Variants in SSH1 observed in about 807,000 individuals in gnomAD.
SSH1 encodes slingshot protein phosphatase 1, also known as protein phosphatase Slingshot homolog 1.
Under a neutral mutation model 79.7 loss-of-function variants are expected in SSH1, and 43 were observed. The observed-to-expected ratio is 0.54, with a 90% CI of 0.42 to 0.70. The LOEUF (loss-of-function observed/expected upper bound fraction) is 0.70. SSH1 is among the 30% of genes least tolerant of loss of function. The pLI is 0.00. For missense variants in SSH1, 1,206 were observed against 1,358.8 expected, an observed-to-expected ratio of 0.89 and a Z score of 1.77; for synonymous variants, 599 against 538.3, an observed-to-expected ratio of 1.11 and a Z score of -1.56.
rs2036283872 is a variant in SSH1, at chr12:108,786,674, G to A, written c.*1314C>T. On this transcript the variant is annotated 3_prime_UTR_variant, in exon 15 of 15. Coordinates refer to ENST00000326495, the MANE Select transcript of SSH1 (RefSeq NM_018984.4). ...ACTCCAGCCTAGGTGACAGAGCCAG[G>A]CCCTGTCTTAAAGAGGAAAAACCAT... is the stretch of plus-strand genomic sequence containing the variant. 1 of 152,208 alleles carries A rather than the reference G, an allele frequency of 6.6e-6. No individual in the cohort carries two copies. Among genetic ancestry groups the A allele is most frequent in the South Asian group, 2.1e-4 (1 of 4,832 alleles). 9.4% of individuals were successfully genotyped at this position (152,208 alleles called of 1,614,324 possible). A position where few individuals can be genotyped will look rare whatever the true frequency, so the allele number is the denominator to read the frequency against.
chr12:108,826,942 C>T (rs748332716), intron 2 of SSH1, among the ~76,000 whole-genome samples: 6 of 151,596 alleles, frequency 4.0e-5, no homozygotes, highest in African/African-American at 9.7e-5. Flanking sequence ...AAAGGTCAGA[C>T]GCAGACAGAC....
intron 2 of SSH1, among the ~76,000 whole-genome samples, chr12:108,838,259 G>T (rs1346491619): frequency 6.6e-6 from 1 of 152,126 alleles, no homozygotes; most frequent in Admixed American, 6.5e-5. Context: ...CCCTCACCAA[G>T]CAAGACCTTC....
intron 14 of SSH1, among the ~76,000 whole-genome samples, chr12:108,791,601 T>C (rs571086865): frequency 2.6e-5 from 4 of 152,028 alleles, no homozygotes; most frequent in Admixed American, 6.6e-5. Context: ...TACAAAAAAA[T>C]AGAAAAGATT....
chr12:108,804,907 A>G, intron 10 of SSH1, 149 bp downstream of exon 10: 1 of 922,812 alleles, frequency 1.1e-6, no homozygotes, highest in South Asian at 1.6e-5. Context: ...GAAGGGGCCA[A>G]AGAGGGGAGC....
intron 10 of SSH1, among the ~76,000 whole-genome samples, chr12:108,804,807 A>G (rs959490799): frequency 1.3e-5 from 2 of 152,210 alleles, no homozygotes; most frequent in Non-Finnish European, 2.9e-5. Context: ...TGACTACGCC[A>G]AATAGCTCCC....
intron 2 of SSH1, among the ~76,000 whole-genome samples, chr12:108,851,657 G>A (rs1199054231): frequency 6.6e-6 from 1 of 152,106 alleles, no homozygotes; most frequent in Non-Finnish European, 1.5e-5. Flanking sequence ...TGTTTTTGGT[G>A]TCCATTAGTG....
At chr12:108,806,267 C>T in intron 9 of SSH1, 34 bp downstream of exon 9, 1 of 1,586,838 alleles carries the variant, frequency 6.3e-7, no homozygotes, top group South Asian at 1.1e-5. Context: ...GCTGCATGAC[C>T]TCTGACCTGC....
At chr12:108,822,860 T>G (rs1420700354) in intron 3 of SSH1, among the ~76,000 whole-genome samples, 3 of 152,212 alleles carry the variant, frequency 2.0e-5, no homozygotes, top group Non-Finnish European at 2.9e-5. Context: ...TTCAAATGCT[T>G]GGAGAAATCC....
At chr12:108,804,284 G>A (rs1054938063) in intron 10 of SSH1, among the ~76,000 whole-genome samples, 1 of 152,214 alleles carries the variant, frequency 6.6e-6, no homozygotes, top group Non-Finnish European at 1.5e-5. Context: ...AAGAGGAAAA[G>A]TGACTTCTTC....
At chr12:108,823,572 A>T (rs944672547) in intron 2 of SSH1, among the ~76,000 whole-genome samples, 13 of 152,212 alleles carry the variant, frequency 8.5e-5, no homozygotes, top group Non-Finnish European at 1.5e-5. Context: ...GTGACAAAAT[A>T]ATGCTTCTGT....
Position 108,788,144 on chromosome 12 carries a change from C to T in SSH1, c.2994G>A (p.Pro998=), listed in dbSNP as rs140750900. ...STEDLSSEAD[P]STVADSQDTT... The stretch of plus-strand genomic sequence containing the variant: ...TGTCCTGGGAGTCAGCGACGGTGGA[C>T]GGGTCAGCCTCACTGGACAGGTCTT... Residue 998 remains proline, a synonymous_variant, in exon 15 of 15, where the codon CCG becomes CCA. Transcript: ENST00000326495. 1.7e-5 allele frequency: 27 copies of T among 1,613,796 alleles called. No individual in the cohort carries two copies. The highest frequency in any genetic ancestry group is 5.3e-5 in the African/African-American group (4 of 74,796).
At position 108,821,517 on chromosome 12, in the gene SSH1, A is replaced by G. The variant is rs1379364992; in HGVS notation, c.214+1741T>C. Among the ~76,000 whole-genome samples, 19 of 152,150 alleles carry G rather than the reference A, an allele frequency of 1.2e-4. 1 individual carries two copies. Among genetic ancestry groups the G allele is most frequent in the Non-Finnish European group, 4.4e-5 (3 of 68,014 alleles). ...CATATATATATACAGCACCTACTAC[A>G]GGTAGGTATGTTACACGCATAACTC... On this transcript the variant is annotated intron_variant, in intron 3 of 14. Transcript: ENST00000326495.
intron 5 of SSH1, among the ~76,000 whole-genome samples, chr12:108,813,118 C>T (rs2037702013): frequency 6.6e-6 from 1 of 152,008 alleles, no homozygotes; most frequent in Admixed American, 6.6e-5. Flanking sequence ...CTCTTGTCTC[C>T]ACCTGGGGAG....
Position 108,807,617 on chromosome 12 carries a change from G to C in SSH1, c.731+16C>G, listed in dbSNP as rs746602972. ...TGTGGGCTTGGGTGCGCTCACACCAGAGGCACCTCACTTACTTGTCCACAA... is the reference window on the plus strand; with the variant it reads ...TGTGGGCTTGGGTGCGCTCACACCACAGGCACCTCACTTACTTGTCCACAA... On this transcript the variant is annotated intron_variant, in intron 8 of 14. Coordinates refer to ENST00000326495, the MANE Select transcript of SSH1 (RefSeq NM_018984.4). The surrounding 1 kb of genome is among the most constrained non-coding windows in gnomAD (Gnocchi z 5.2). 2 of 1,611,774 alleles carry C rather than the reference G, an allele frequency of 1.2e-6. No individual in the cohort carries two copies. The highest frequency in any genetic ancestry group is 2.7e-5 in the African/African-American group (2 of 74,706).
intron 5 of SSH1, 164 bp from the exon 6 acceptor site, chr12:108,811,492 G>A: frequency 1.4e-6 from 1 of 703,420 alleles, no homozygotes; most frequent in Non-Finnish European, 2.6e-6. Context: ...ACACAGGTCT[G>A]GGATGGCCCT....
rs1278915333 is a variant in SSH1, at chr12:108,857,262, A to G, written c.69+166T>C. Among the ~76,000 whole-genome samples, 1 of 152,048 alleles carries G rather than the reference A, an allele frequency of 6.6e-6. No homozygotes were observed. Among genetic ancestry groups the G allele is most frequent in the Non-Finnish European group, 1.5e-5 (1 of 67,964 alleles). ...CCCAAGACAGGGTCACATCGCACACAGTCCTCGCACGGTCACCCCGGTCCG... is the reference window on the plus strand; with the variant it reads ...CCCAAGACAGGGTCACATCGCACACGGTCCTCGCACGGTCACCCCGGTCCG... On this transcript the variant is annotated intron_variant, in intron 1 of 14. Coordinates refer to ENST00000326495, the MANE Select transcript of SSH1 (RefSeq NM_018984.4). This position sits in a 1 kb window ranked among gnomAD's most constrained non-coding sequence, Gnocchi z 4.7.
chr12:108,809,810 T>C, intron 6 of SSH1, 52 bp from the exon 7 acceptor site: 1 of 1,518,200 alleles, frequency 6.6e-7, no homozygotes, highest in Non-Finnish European at 9.2e-7. Context: ...ATCAGCGCCT[T>C]GAGTGAAATC....
intron 2 of SSH1, chr12:108,834,514 G>A (rs975460315): frequency 1.3e-5 from 2 of 152,234 alleles, no homozygotes; most frequent in African/African-American, 4.8e-5. Context: ...ACCAACTACA[G>A]ACAGAAAATA....
chr12:108,850,151 A>G (rs1400317547), intron 2 of SSH1, among the ~76,000 whole-genome samples: 1 of 242 alleles, frequency 4.1e-3, no homozygotes, highest in Non-Finnish European at 7.9e-3. Flanking sequence ...GGGGGAGGGG[A>G]GATGGGGAGG....
Sources: gnomAD v4.1 joint callset for allele counts (sites outside exome capture counted in the v4.1 genomes callset) on GRCh38, gnomAD v4.1.1 for gene constraint, Gnocchi (gnomAD v3.1) non-coding constraint, MANE v1.5 for transcripts, NCBI Gene and HGNC (gene_info 2026-07-23, HGNC 2026-07-21) for gene names.